ZFPM2: variants seen among roughly 807,000 people sequenced by gnomAD.
The protein encoded by ZFPM2 is zinc finger protein ZFPM2.
ZFPM2 carries 20 observed loss-of-function variants against 98.6 expected under a neutral mutation model. The ratio of observed to expected loss-of-function variants is 0.20; its 90% CI spans 0.14 to 0.29. The LOEUF (loss-of-function observed/expected upper bound fraction) is 0.29. Ranked by LOEUF, ZFPM2 falls within the 10% of genes least tolerant of loss-of-function variation. The probability of loss-of-function intolerance (pLI) is 1.00; values close to 1 mark genes in which losing one functional copy is unlikely to be tolerated. For synonymous variants in ZFPM2, 518 were observed against 502.7 expected (o/e 1.03, Z -0.41); for missense variants, 1,310 against 1,388.6 (o/e 0.94, Z 0.90).
chr8:105,324,073 C>T lies in ZFPM2; in HGVS notation c.40+5092C>T, dbSNP rs1340020573. On this transcript the variant is annotated intron_variant, in intron 1 of 7. Transcript: ENST00000407775. ...ATCAATTTGGTTGCTATGTGACTTGCCATATATTAAGTTGGTATTATTAAG... is the reference window on the plus strand; with the variant it reads ...ATCAATTTGGTTGCTATGTGACTTGTCATATATTAAGTTGGTATTATTAAG... Among the ~76,000 whole-genome samples, 5 of 151,722 alleles carry T rather than the reference C, an allele frequency of 3.3e-5. 1 individual carries two copies. Among genetic ancestry groups the T allele is most frequent in the Admixed American group, 3.3e-4 (5 of 15,222 alleles).
chr8:105,539,381 C>T (rs758632757), intron 3 of ZFPM2, among the ~76,000 whole-genome samples: 8 of 152,134 alleles, frequency 5.3e-5, no homozygotes, highest in Non-Finnish European at 7.4e-5. Context: ...ATAGACATAT[C>T]GGGTCCATCT....
At chr8:105,776,899 C>T (rs1440149395) in intron 5 of ZFPM2, among the ~76,000 whole-genome samples, 2 of 152,160 alleles carry the variant, frequency 1.3e-5, no homozygotes, top group Non-Finnish European at 2.9e-5. Context: ...TCAGCTGATA[C>T]ATTTTAAATT....
chr8:105,735,490 C>T (rs1475271778), intron 5 of ZFPM2, among the ~76,000 whole-genome samples: 1 of 151,790 alleles, frequency 6.6e-6, no homozygotes, highest in Non-Finnish European at 1.5e-5. Context: ...GCTTCCCCAA[C>T]ATGAAAACAA....
intron 5 of ZFPM2, among the ~76,000 whole-genome samples, chr8:105,782,780 A>G (rs2131116715): frequency 6.6e-6 from 1 of 152,294 alleles, no homozygotes; most frequent in Non-Finnish European, 1.5e-5. Context: ...TCCACCCAAT[A>G]CTTTTACAGA....
intron 1 of ZFPM2, among the ~76,000 whole-genome samples, chr8:105,374,727 T>G (rs1241434418): frequency 1.3e-5 from 2 of 152,044 alleles, no homozygotes; most frequent in African/African-American, 4.8e-5. Context: ...AAAACTCTGG[T>G]TAAGTGGACA....
intron 3 of ZFPM2, among the ~76,000 whole-genome samples, chr8:105,521,057 G>A (rs1269048874): frequency 6.6e-6 from 1 of 150,554 alleles, no homozygotes; most frequent in Non-Finnish European, 1.5e-5. Flanking sequence ...ATTCAAGATA[G>A]TAGACTGAAC....
rs1225610325 is a variant in ZFPM2, at chr8:105,516,417, TA to T, written c.302-44944del. The stretch of plus-strand genomic sequence containing the variant: ...ATTAAAAGGAATGCAAGCAATGTTA[TA>T]AGATAAATATATTTGGGGATAATTA... On this transcript the variant is annotated intron_variant, in intron 3 of 7. Transcript: ENST00000407775. Among the ~76,000 whole-genome samples the T allele has an allele frequency of 2.6e-4, 16 of 60,926 alleles. No individual in the cohort carries two copies. In the African/African-American group the frequency reaches 4.2e-3, roughly 16 times the overall value. The allele number at this position is 60,926 out of a possible 152,430, so 40.0% of individuals were successfully genotyped here.
At chr8:105,547,211 CT>C (rs1190930498) in intron 3 of ZFPM2, among the ~76,000 whole-genome samples, 1 of 152,024 alleles carries the variant, frequency 6.6e-6, no homozygotes, top group African/African-American at 2.4e-5. Context: ...ACATTTTCTA[CT>C]TTATTCTGGA....
intron 1 of ZFPM2, among the ~76,000 whole-genome samples, chr8:105,393,381 T>TCTTTCTTTCTTTTCTTTC (rs1554600714): frequency 1.5e-5 from 2 of 130,678 alleles, no homozygotes; most frequent in African/African-American, 5.8e-5. Flanking sequence ...TTTCTTTCTT[T>TCTTTCTTTCTTTTCTTTC]CTTTCTTTCT....
At chr8:105,797,601 T>A (rs996451956) in intron 6 of ZFPM2, among the ~76,000 whole-genome samples, 1 of 152,206 alleles carries the variant, frequency 6.6e-6, no homozygotes, top group African/African-American at 2.4e-5. Context: ...CTCCCAGACC[T>A]ATCATGCTCC....
chr8:105,358,146 C>T (rs906380550), intron 1 of ZFPM2, among the ~76,000 whole-genome samples: 2 of 152,082 alleles, frequency 1.3e-5, no homozygotes, highest in Non-Finnish European at 2.9e-5. Context: ...TGTTATATCA[C>T]CCCTGGAGAT....
intron 4 of ZFPM2, among the ~76,000 whole-genome samples, chr8:105,589,384 G>A (rs1164503924): frequency 6.6e-6 from 1 of 152,098 alleles, no homozygotes; most frequent in African/African-American, 2.4e-5. Context: ...CCAGCCATAT[G>A]GCTATACTTT....
intron 3 of ZFPM2, among the ~76,000 whole-genome samples, chr8:105,468,321 G>A (rs912975264): frequency 2.0e-5 from 3 of 151,974 alleles, no homozygotes; most frequent in African/African-American, 7.2e-5. Flanking sequence ...CATTACCCCT[G>A]TAACCTCATG....
intron 1 of ZFPM2, 34 bp from the exon 2 acceptor site, chr8:105,419,110 A>G: frequency 1.3e-6 from 2 of 1,595,406 alleles, no homozygotes; most frequent in Non-Finnish European, 8.5e-7. Flanking sequence ...TTCCTTGCAT[A>G]TTTTTGGTAC....
At chr8:105,391,671 T>C (rs1286729861) in intron 1 of ZFPM2, among the ~76,000 whole-genome samples, 1 of 152,228 alleles carries the variant, frequency 6.6e-6, no homozygotes, top group Non-Finnish European at 1.5e-5. Flanking sequence ...AACTACTTTT[T>C]TGTGCTCATC....
chr8:105,567,306 T>G (rs1382457413), intron 4 of ZFPM2, among the ~76,000 whole-genome samples: 1 of 152,284 alleles, frequency 6.6e-6, no homozygotes, highest in Non-Finnish European at 1.5e-5. Context: ...AAGAGCAAAC[T>G]CCTTGCAAGC....
chr8:105,320,254 CTTTGTG>C (rs1442512877), intron 1 of ZFPM2, among the ~76,000 whole-genome samples: 1 of 110,200 alleles, frequency 9.1e-6, no homozygotes, highest in Admixed American at 9.8e-5. Context: ...GTATTCAGAT[CTTTGTG>C]TGTGTGTGTG....
rs1020818905 is a variant in ZFPM2, at chr8:105,318,492, C to G, written c.-450C>G. 5.4e-5 allele frequency among the ~76,000 whole-genome samples: 8 copies of G among 148,136 alleles called. No individual in the cohort carries two copies. Among genetic ancestry groups the G allele is most frequent in the African/African-American group, 1.5e-4 (6 of 40,228 alleles). The stretch of plus-strand genomic sequence containing the variant: ...GGCGGCGGCGCCGGAGTATCCGTCC[C>G]GCACGCCGGGGCGAGGGGCGAGCGA... On this transcript the variant is annotated 5_prime_UTR_variant, in exon 1 of 8. Coordinates refer to ENST00000407775, the MANE Select transcript of ZFPM2 (RefSeq NM_012082.4).
chr8:105,550,864 G>GAA (rs1164766234), intron 3 of ZFPM2, among the ~76,000 whole-genome samples: 1 of 152,126 alleles, frequency 6.6e-6, no homozygotes, highest in Non-Finnish European at 1.5e-5. Context: ...GTACTGCACT[G>GAA]AAAACACAGA....
Sources: gnomAD v4.1 joint callset for allele counts (sites outside exome capture counted in the v4.1 genomes callset) on GRCh38, gnomAD v4.1.1 for gene constraint, MANE v1.5 for transcripts, NCBI Gene and HGNC (gene_info 2026-07-23, HGNC 2026-07-21) for gene names.